Variants in MYO3A observed in about 807,000 individuals in gnomAD.
The protein encoded by MYO3A is myosin IIIA, also known as myosin-IIIa.
In MYO3A, 180 loss-of-function variants were observed where a neutral mutation model predicts 192.7. That is an observed-to-expected ratio of 0.93 (90% CI 0.83 to 1.06). The LOEUF is 1.06. Among genes scored for constraint, MYO3A ranks in the 50% least tolerant of loss-of-function variants. MYO3A has a pLI of 0.00. For missense variants in MYO3A, 1,896 were observed against 1,905.0 expected, an observed-to-expected ratio of 1.00 and a Z score of 0.09; for synonymous variants, 628 against 645.3, an observed-to-expected ratio of 0.97 and a Z score of 0.41.
At chr10:26,072,701 T>TAAAAA (rs59197337) in intron 14 of MYO3A, among the ~76,000 whole-genome samples, 1 of 149,712 alleles carries the variant, frequency 6.7e-6, no homozygotes, top group Non-Finnish European at 1.5e-5. Context: ...TCTATGTTTA[T>TAAAAA]AAAAAAAAAA....
At chr10:26,099,486 G>T (rs186557130) in intron 17 of MYO3A, among the ~76,000 whole-genome samples, 1 of 152,162 alleles carries the variant, frequency 6.6e-6, no homozygotes, top group South Asian at 2.1e-4. Flanking sequence ...CCTGTCTTGT[G>T]CCAGTTTTCA....
At chr10:25,945,853 A>C (rs181233061) in intron 2 of MYO3A, among the ~76,000 whole-genome samples, 1 of 152,090 alleles carries the variant, frequency 6.6e-6, no homozygotes. Flanking sequence ...TATTTAGTGT[A>C]TATTTTGTAA....
At chr10:25,999,935 G>T (rs748092349) in intron 6 of MYO3A, among the ~76,000 whole-genome samples, 5 of 152,088 alleles carry the variant, frequency 3.3e-5, no homozygotes, top group Non-Finnish European at 5.9e-5. Flanking sequence ...CATCTTTACT[G>T]CTCCTGCCCT....
intron 4 of MYO3A, among the ~76,000 whole-genome samples, chr10:25,970,521 C>T (rs1294458246): frequency 6.6e-6 from 1 of 151,590 alleles, no homozygotes; most frequent in Admixed American, 6.6e-5. Context: ...AGATTTTTGC[C>T]TTAAGAAGTT....
chr10:26,047,282 T>C (rs573971988), intron 10 of MYO3A, among the ~76,000 whole-genome samples: 1 of 152,042 alleles, frequency 6.6e-6, no homozygotes, highest in African/African-American at 2.4e-5. Flanking sequence ...AAATTCTGAG[T>C]ATACATCTTT....
intron 10 of MYO3A, among the ~76,000 whole-genome samples, chr10:26,030,629 C>A (rs1842761952): frequency 6.6e-6 from 1 of 152,138 alleles, no homozygotes; most frequent in Non-Finnish European, 1.5e-5. Flanking sequence ...TAAAATGGAT[C>A]AAAAAATCTG....
chr10:26,096,804 A>T lies in MYO3A; in HGVS notation c.1776+122A>T, dbSNP rs1339351599. Reference sequence around the variant, plus strand: ...AGTGCTTTACATAAATTGAAACAGCATTATGAAATAACTGGAAATATAATA... The same window carrying T: ...AGTGCTTTACATAAATTGAAACAGCTTTATGAAATAACTGGAAATATAATA... On this transcript the variant is annotated intron_variant, in intron 17 of 34. Coordinates refer to ENST00000642920, the MANE Select transcript of MYO3A (RefSeq NM_017433.5). 2.6e-5 allele frequency: 18 copies of T among 692,352 alleles called. No individual in the cohort carries two copies. The South Asian group carries it at 3.1e-4, about 12-fold the overall frequency. 42.9% of individuals were successfully genotyped at this position (692,352 alleles called of 1,614,324 possible).
At chr10:26,090,678 T>C (rs1193219455) in intron 15 of MYO3A, among the ~76,000 whole-genome samples, 1 of 152,242 alleles carries the variant, frequency 6.6e-6, no homozygotes, top group Admixed American at 6.5e-5. Context: ...ATGTGATTGA[T>C]GGAAGAATTC....
intron 34 of MYO3A, 147 bp from the exon 35 acceptor site, chr10:26,211,696 A>G (rs771657788): frequency 1.7e-5 from 21 of 1,271,722 alleles, no homozygotes; most frequent in Admixed American, 4.7e-5. Context: ...ACGTTTGGCC[A>G]TTATCCAGTC....
At chr10:26,123,307 C>T (rs1005014046) in intron 18 of MYO3A, among the ~76,000 whole-genome samples, 2 of 151,892 alleles carry the variant, frequency 1.3e-5, no homozygotes, top group African/African-American at 4.8e-5. Flanking sequence ...AAAATATTTG[C>T]AACATATATA....
intron 34 of MYO3A, among the ~76,000 whole-genome samples, chr10:26,204,863 T>A (rs11819063): frequency 1.3e-5 from 2 of 151,260 alleles, no homozygotes; most frequent in Non-Finnish European, 3.0e-5. Context: ...TCAGATAAGG[T>A]TTTTTTTTCT....
intron 13 of MYO3A, 36 bp downstream of exon 13, chr10:26,070,251 T>A (rs3758441): frequency 1.4e-5 from 23 of 1,596,180 alleles, no homozygotes; most frequent in Non-Finnish European, 2.0e-5. Flanking sequence ...AATTTACCTC[T>A]TAGTTACTTA....
chr10:26,079,065 G>A (rs1259782182), intron 14 of MYO3A, among the ~76,000 whole-genome samples: 2 of 152,070 alleles, frequency 1.3e-5, no homozygotes, highest in African/African-American at 4.8e-5. Flanking sequence ...TTGTTTCTTT[G>A]TTGACTTTCT....
chr10:26,179,159 C>T (rs1157162130), intron 31 of MYO3A, among the ~76,000 whole-genome samples: 1 of 123,694 alleles, frequency 8.1e-6, no homozygotes, highest in Admixed American at 1.0e-4. Flanking sequence ...AGTGCAATGG[C>T]GCGATCTCAG....
chr10:26,010,025 A>G (rs1301547430), intron 6 of MYO3A, among the ~76,000 whole-genome samples: 2 of 152,238 alleles, frequency 1.3e-5, no homozygotes, highest in African/African-American at 4.8e-5. Context: ...ACACATGTAC[A>G]TAGTCATCCA....
intron 10 of MYO3A, among the ~76,000 whole-genome samples, chr10:26,040,892 A>T (rs1430070046): frequency 6.6e-6 from 1 of 152,088 alleles, no homozygotes. Flanking sequence ...ATGTTCTATA[A>T]ATATGTATTA....
chr10:26,154,012 A>T, intron 24 of MYO3A, 83 bp downstream of exon 24: 1 of 1,031,692 alleles, frequency 9.7e-7, no homozygotes, highest in Non-Finnish European at 1.5e-6. Flanking sequence ...CTCAAAGTCA[A>T]CAGTTTTTTT....
chr10:26,029,215 A>G (rs1000562082), intron 10 of MYO3A, among the ~76,000 whole-genome samples: 4 of 152,168 alleles, frequency 2.6e-5, no homozygotes, highest in Admixed American at 2.6e-4. Context: ...TATGCTCAAC[A>G]CTTTCTGATT....
At chr10:26,018,697 C>A (rs939498538) in intron 7 of MYO3A, among the ~76,000 whole-genome samples, 2 of 152,070 alleles carry the variant, frequency 1.3e-5, no homozygotes, top group African/African-American at 4.8e-5. Flanking sequence ...AACCAGGACA[C>A]CCTGGAGAGC....
Sources: allele counts gnomAD v4.1 joint callset (sites outside exome capture counted in the v4.1 genomes callset), GRCh38; gene constraint gnomAD v4.1.1; transcripts MANE v1.5; gene names NCBI Gene and HGNC (gene_info 2026-07-23, HGNC 2026-07-21).